COL6A3: variants seen among roughly 807,000 people sequenced by gnomAD.
COL6A3 encodes collagen alpha-3(VI) chain.
A neutral mutation model predicts 274.1 loss-of-function variants in COL6A3; 137 were observed. The ratio of observed to expected loss-of-function variants is 0.50; its 90% CI spans 0.44 to 0.58. The LOEUF is 0.58. COL6A3 is among the 20% of genes least tolerant of loss of function. COL6A3 has a pLI of 0.00. For synonymous variants in COL6A3, 1,650 were observed against 1,650.6 expected, an observed-to-expected ratio of 1.00 and a Z score of 0.01; for missense variants, 3,950 against 4,124.9, an observed-to-expected ratio of 0.96 and a Z score of 1.16.
Position 237,363,240 on chromosome 2 carries a change from A to T in COL6A3, c.6063+13T>A, listed in dbSNP as rs1174089905. The T allele has an allele frequency of 3.8e-6, 6 of 1,559,274 alleles. No homozygotes were observed. The highest frequency in any genetic ancestry group is 1.8e-5 in the Admixed American group (1 of 55,594). On this transcript the variant is annotated intron_variant, in intron 14 of 43. Transcript: ENST00000295550. The stretch of plus-strand genomic sequence containing the variant: ...TACACTGGTCTGTGTATAAAGACAT[A>T]AAAAAAACTCACAAGCTGCTCCGCT...
Position 237,377,275 on chromosome 2 carries a change from C to T in COL6A3, c.2567G>A (p.Arg856His), listed in dbSNP as rs147897225. The T allele has an allele frequency of 4.7e-5, 76 of 1,606,256 alleles. No homozygotes were observed. The Admixed American group carries it at 9.0e-4, about 19-fold the overall frequency. The change falls in exon 7 of 44, where the codon CGT becomes CAT. Residue 856 changes from arginine to histidine, a missense_variant. Coordinates refer to ENST00000295550, the MANE Select transcript of COL6A3 (RefSeq NM_004369.4). Reference sequence around the variant, plus strand: ...ATCGATAATCTTGTAGAGAAAGTCACGGACAACAGGGAACTGGCCCACAAG... The same window carrying T: ...ATCGATAATCTTGTAGAGAAAGTCATGGACAACAGGGAACTGGCCCACAAG... ...ANLVGQFPVV[R>H]DFLYKIIDEL... is the part of the protein sequence containing the mutation.
At position 237,378,699 on chromosome 2, in the gene COL6A3, G is replaced by A. The variant is rs750830347; in HGVS notation, c.2434C>T (p.Leu812=). 4 of 1,613,838 alleles carry A rather than the reference G, an allele frequency of 2.5e-6. No individual in the cohort carries two copies. Among genetic ancestry groups the A allele is most frequent in the South Asian group, 1.1e-5 (1 of 91,062 alleles). The part of the protein sequence containing the change: ...FSSLPALPQQ[L]IQPLTTYVSG... Reference sequence around the variant, plus strand: ...ACATATGTGGTTAGGGGCTGAATCAGCTGCTGAGGCAAAGCTGGCAGGGAG... The same window carrying A: ...ACATATGTGGTTAGGGGCTGAATCAACTGCTGAGGCAAAGCTGGCAGGGAG... Residue 812 remains leucine, a synonymous_variant, in exon 6 of 44, where the codon CTG becomes TTG. Transcript: ENST00000295550.
chr2:237,357,719 G>T, intron 22 of COL6A3, 98 bp downstream of exon 22: 1 of 1,241,836 alleles, frequency 8.1e-7, no homozygotes, highest in South Asian at 1.2e-5. Context: ...AGTGTTAAAG[G>T]CCACGTCTTT....
intron 23 of COL6A3, among the ~76,000 whole-genome samples, chr2:237,356,310 C>T (rs144392941): frequency 6.6e-6 from 1 of 152,040 alleles, no homozygotes; most frequent in East Asian, 1.9e-4. Context: ...TAGCATTATT[C>T]AAAAATAATG....
intron 7 of COL6A3, among the ~76,000 whole-genome samples, chr2:237,375,646 G>T (rs1385449118): frequency 2.0e-5 from 3 of 152,196 alleles, no homozygotes; most frequent in African/African-American, 7.2e-5. Context: ...GGGTTCAAGT[G>T]ATTCTTCTGC....
rs1574724460 is a variant in COL6A3 at position 237,380,840 on chromosome 2, C to T, written c.1897+75G>A. ...TGTCTCTTAGCTAAACACAAACACACTTCATTTTGTTTTGTTCTTAAAGGC... is the reference window on the plus strand; with the variant it reads ...TGTCTCTTAGCTAAACACAAACACATTTCATTTTGTTTTGTTCTTAAAGGC... On this transcript the variant is annotated intron_variant, in intron 5 of 43. Transcript: ENST00000295550. 2.2e-6 allele frequency: 3 copies of T among 1,334,876 alleles called. No homozygotes were observed. The East Asian group carries it at 7.1e-5, about 32-fold the overall frequency. The allele number at this position is 1,334,876 out of a possible 1,614,324, so 82.7% of individuals were successfully genotyped here.
At chr2:237,406,101 A>G (rs1487164980) in intron 1 of COL6A3, among the ~76,000 whole-genome samples, 1 of 152,142 alleles carries the variant, frequency 6.6e-6, no homozygotes, top group Non-Finnish European at 1.5e-5. Context: ...TTTAGTTTCT[A>G]TCCCTTTGAA....
intron 23 of COL6A3, 141 bp from the exon 24 acceptor site, chr2:237,355,075 C>T: frequency 1.3e-6 from 1 of 742,616 alleles, no homozygotes; most frequent in South Asian, 1.7e-5. Flanking sequence ...TGCCAAGAAC[C>T]AGAAACCACA....
At chr2:237,325,942 A>G (rs896774294) in intron 42 of COL6A3, 3 of 482,986 alleles carry the variant, frequency 6.2e-6, no homozygotes, top group African/African-American at 3.9e-5. Flanking sequence ...ATGAAATTAT[A>G]TCAATGAAAG....
chr2:237,363,874 A>G (rs2077490772), intron 13 of COL6A3, among the ~76,000 whole-genome samples: 1 of 152,252 alleles, frequency 6.6e-6, no homozygotes, highest in East Asian at 1.9e-4. Context: ...GTGAATAGTC[A>G]AAGATCACAT....
At chr2:237,359,462 G>A (rs2077388394) in intron 17 of COL6A3, 74 bp from the exon 18 acceptor site, 3 of 1,490,262 alleles carry the variant, frequency 2.0e-6, no homozygotes, top group South Asian at 1.1e-5. Flanking sequence ...GAGGCCAAGG[G>A]CTGTTCCCCC....
At chr2:237,345,298 G>A (rs934170344) in intron 32 of COL6A3, 85 bp from the exon 33 acceptor site, 2 of 1,354,176 alleles carry the variant, frequency 1.5e-6, no homozygotes, top group Non-Finnish European at 2.1e-6. Flanking sequence ...AATACACAGA[G>A]CAAGACAAAG....
chr2:237,324,795 G>T lies in COL6A3; in HGVS notation c.9513C>A (p.Val3171=). 6.2e-7 allele frequency: 1 copy of T among 1,613,774 alleles called. No homozygotes were observed. The part of the protein sequence containing the change: ...VCAPVLAKPG[V]ISVMGT ...ACGCTTAGGTTCCCATCACACTGAT[G>T]ACTCCGGGTTTGGCGAGCACTGAGC... The change falls in exon 44 of 44, where the codon GTC becomes GTA. Residue 3171 remains valine, a synonymous_variant. Transcript: ENST00000295550.
At chr2:237,353,922 A>G (rs2077260856) in intron 24 of COL6A3, among the ~76,000 whole-genome samples, 1 of 152,118 alleles carries the variant, frequency 6.6e-6, no homozygotes, top group Non-Finnish European at 1.5e-5. Context: ...GAACCCCAAA[A>G]TCGCTAAGCC....
At position 237,371,885 on chromosome 2, in the gene COL6A3, G is replaced by A; in HGVS notation, c.4132C>T (p.Leu1378=). The change falls in exon 9 of 44, where the codon CTG becomes TTG. Residue 1378 remains leucine (L), a synonymous_variant. Coordinates refer to ENST00000295550, the MANE Select transcript of COL6A3 (RefSeq NM_004369.4). The surrounding 1 kb of genome is among the most constrained non-coding windows in gnomAD (Gnocchi z 4.3). The stretch of plus-strand genomic sequence containing the variant: ...TCGGGGCTCAGCGAGATCTTCACCA[G>A]CTCCTCCTGGTCTGCGTTCCTGGCG... ...TIARNADQEE[L]VKISLSPEYV... 1 of 1,613,624 alleles carries A rather than the reference G, an allele frequency of 6.2e-7. No homozygotes were observed.
In COL6A3 at chr2:237,368,874, T is replaced by C. The variant is rs1217924730; in HGVS notation, c.4589A>G (p.Lys1530Arg). Residue 1530 changes from lysine to arginine, a missense_variant, in exon 10 of 44, where the codon AAG (lysine) becomes AGG (arginine). Lys to Arg is a conservative substitution (Grantham distance 26). Around this residue, in one of 5 missense-constraint regions of COL6A3, gnomAD observed 1,934 missense variants for 1,984.3 expected, o/e 0.97. Coordinates refer to ENST00000295550, the MANE Select transcript of COL6A3 (RefSeq NM_004369.4). This position sits in a 1 kb window ranked among gnomAD's most constrained non-coding sequence, Gnocchi z 4.4. The part of the protein sequence containing the change: ...LEFVARNLFV[K>R]SAGSRIEDGV... ...GTCTTCTATGCGACTCCCCGCAGAC[T>C]TAACAAAGAGGTTTCTTGCCACAAA... 6.2e-7 allele frequency: 1 copy of C among 1,614,206 alleles called. No homozygotes were observed. The highest frequency in any genetic ancestry group is 1.7e-5 in the Admixed American group (1 of 60,026).
chr2:237,332,109 A>G (rs1313290485), intron 42 of COL6A3, among the ~76,000 whole-genome samples: 5 of 83,400 alleles, frequency 6.0e-5, no homozygotes, highest in African/African-American at 2.2e-4. Context: ...ATATATATAT[A>G]TATATATATG....
At chr2:237,402,160 A>G (rs2078607363) in intron 1 of COL6A3, among the ~76,000 whole-genome samples, 1 of 152,152 alleles carries the variant, frequency 6.6e-6, no homozygotes, top group African/African-American at 2.4e-5. Context: ...CATTTATGTG[A>G]AGGTATTTAA....
At chr2:237,354,627 A>G (rs2077277635) in intron 24 of COL6A3, among the ~76,000 whole-genome samples, 1 of 152,228 alleles carries the variant, frequency 6.6e-6, no homozygotes, top group Admixed American at 6.5e-5. Context: ...GACCGAACCA[A>G]TGTACATCTC....
Sources: gnomAD v4.1 joint callset for allele counts (sites outside exome capture counted in the v4.1 genomes callset) on GRCh38, gnomAD v4.1.1 for gene constraint, gnomAD v4.1.1 regional missense constraint, Gnocchi (gnomAD v3.1) non-coding constraint, MANE v1.5 for transcripts, NCBI Gene and HGNC (gene_info 2026-07-23, HGNC 2026-07-21) for gene names.